Variants in TASP1 observed in about 807,000 individuals in gnomAD.
The protein encoded by TASP1 is threonine aspartase 1.
TASP1 carries 16 observed loss-of-function variants against 56.6 expected under a neutral mutation model. That is an observed-to-expected ratio of 0.28 (90% CI 0.19 to 0.43). The LOEUF (loss-of-function observed/expected upper bound fraction) is 0.43. Ranked by LOEUF, TASP1 falls within the 20% of genes least tolerant of loss-of-function variation. TASP1 has a pLI of 1.00. For synonymous variants in TASP1, 179 were observed against 184.2 expected (o/e 0.97, Z 0.23); for missense variants, 393 against 511.6 (o/e 0.77, Z 2.24).
At chr20:13,502,803 C>G (rs1477132535) in intron 10 of TASP1, among the ~76,000 whole-genome samples, 1 of 152,170 alleles carries the variant, frequency 6.6e-6, no homozygotes. Flanking sequence ...GAAAATACAT[C>G]TGTGGGAGTC....
At chr20:13,105,578 C>T in the TASP1 span, among the ~76,000 whole-genome samples, 2 of 152,110 alleles carry the variant, frequency 1.3e-5, no homozygotes, top group Non-Finnish European at 2.9e-5. Context: ...GTTTATGTGA[C>T]CTTTTTGGTG....
chr20:13,600,902 G>A lies in TASP1; in HGVS notation c.283-13532C>T, dbSNP rs144107317. On this transcript the variant is annotated intron_variant, in intron 4 of 13. Transcript: ENST00000337743. ...GAGCACATCTAGGAACCAAGCTTTG[G>A]ATTCAAATACTATTCTCCAATAAGG... 1.2e-3 allele frequency among the ~76,000 whole-genome samples: 187 copies of A among 152,214 alleles called. 2 individuals are homozygous for A. The East Asian group carries it at 0.022, about 18-fold the overall frequency.
chr20:13,475,694 A>AG (rs772169976), intron 11 of TASP1, among the ~76,000 whole-genome samples: 12 of 152,120 alleles, frequency 7.9e-5, no homozygotes, highest in Admixed American at 1.3e-4. Flanking sequence ...CAGGAGTTTG[A>AG]GACCAGCCTG....
intron 7 of TASP1, among the ~76,000 whole-genome samples, chr20:13,567,289 G>T (rs936344300): frequency 6.6e-6 from 1 of 151,860 alleles, no homozygotes; most frequent in East Asian, 1.9e-4. Flanking sequence ...GTGGGAGGGG[G>T]GAAAAGGATC....
intron 13 of TASP1, among the ~76,000 whole-genome samples, chr20:13,407,893 A>G (rs994004828): frequency 6.6e-6 from 1 of 151,968 alleles, no homozygotes; most frequent in Non-Finnish European, 1.5e-5. Flanking sequence ...AAAAATGTCT[A>G]CTCAGATCTC....
the TASP1 span, among the ~76,000 whole-genome samples, chr20:13,317,255 A>G: frequency 6.6e-6 from 1 of 151,866 alleles, no homozygotes; most frequent in Admixed American, 6.6e-5. Flanking sequence ...CCAAAAAAAC[A>G]AAACAAAACA....
At chr20:13,485,095 G>A (rs1037803468) in intron 10 of TASP1, among the ~76,000 whole-genome samples, 2 of 152,022 alleles carry the variant, frequency 1.3e-5, no homozygotes, top group South Asian at 2.1e-4. Context: ...AAAACTGCAC[G>A]TTCTGCACAT....
At chr20:13,380,519 C>T in the TASP1 span, among the ~76,000 whole-genome samples, 1 of 152,138 alleles carries the variant, frequency 6.6e-6, no homozygotes, top group African/African-American at 2.4e-5. Context: ...TCAACCCCTG[C>T]TTGGTGGTGT....
At chr20:13,492,926 A>G (rs2043588409) in intron 10 of TASP1, among the ~76,000 whole-genome samples, 1 of 152,070 alleles carries the variant, frequency 6.6e-6, no homozygotes, top group South Asian at 2.1e-4. Flanking sequence ...TTATGATTAA[A>G]CACAGATATC....
At chr20:13,365,547 A>G in the TASP1 span, among the ~76,000 whole-genome samples, 1 of 152,234 alleles carries the variant, frequency 6.6e-6, no homozygotes, top group African/African-American at 2.4e-5. Context: ...GATTGAAAGA[A>G]AAGGAGAGCA....
chr20:13,268,346 TC>T, the TASP1 span, among the ~76,000 whole-genome samples: 1 of 53,852 alleles, frequency 1.9e-5, no homozygotes. Context: ...TCCTTCTTCT[TC>T]CTCTCTCTCT....
At chr20:13,163,900 T>C in the TASP1 span, among the ~76,000 whole-genome samples, 1 of 152,208 alleles carries the variant, frequency 6.6e-6, no homozygotes, top group Non-Finnish European at 1.5e-5. Flanking sequence ...AAATGACCTT[T>C]TTTTTATTTT....
intron 1 of TASP1, among the ~76,000 whole-genome samples, chr20:13,633,447 T>C (rs1341167239): frequency 6.6e-6 from 1 of 152,184 alleles, no homozygotes; most frequent in African/African-American, 2.4e-5. Context: ...ATTAATTTAT[T>C]CATTTACGGG....
At chr20:13,191,118 G>A in the TASP1 span, among the ~76,000 whole-genome samples, 8 of 152,012 alleles carry the variant, frequency 5.3e-5, no homozygotes, top group African/African-American at 1.4e-4. Flanking sequence ...GGAGAAAGGC[G>A]AACTCTTATA....
At chr20:13,297,477 T>C in the TASP1 span, among the ~76,000 whole-genome samples, 1 of 152,236 alleles carries the variant, frequency 6.6e-6, no homozygotes, top group Non-Finnish European at 1.5e-5. Context: ...CTGGAATCTT[T>C]TTGTCTCAGG....
chr20:13,299,543 C>T, the TASP1 span: 5 of 1,249,742 alleles, frequency 4.0e-6, no homozygotes, highest in African/African-American at 1.5e-5. This position sits in a 1 kb window ranked among gnomAD's most constrained non-coding sequence, Gnocchi z 5.8. Flanking sequence ...GCGCCGAGAC[C>T]TTCATAGCTG....
chr20:13,473,387 A>C (rs1407588601), intron 11 of TASP1, among the ~76,000 whole-genome samples: 1 of 152,070 alleles, frequency 6.6e-6, no homozygotes, highest in African/African-American at 2.4e-5. Context: ...ACCTCATGTA[A>C]ATGACGAGTT....
chr20:13,332,410 ATAATTT>A, the TASP1 span, among the ~76,000 whole-genome samples: 6 of 152,332 alleles, frequency 3.9e-5, no homozygotes, highest in East Asian at 1.9e-4. Flanking sequence ...AACTTAAATT[ATAATTT>A]TAAGTTCTTA....
intron 11 of TASP1, among the ~76,000 whole-genome samples, chr20:13,472,638 G>GA (rs560079482): frequency 0.011 from 1,637 of 151,014 alleles, 98 homozygotes; most frequent in African/African-American, 0.037. Context: ...AAATTTACAA[G>GA]AAAAAATCAA....
Sources: gnomAD v4.1 joint callset for allele counts (sites outside exome capture counted in the v4.1 genomes callset) on GRCh38, gnomAD v4.1.1 for gene constraint, Gnocchi (gnomAD v3.1) non-coding constraint, MANE v1.5 for transcripts, NCBI Gene and HGNC (gene_info 2026-07-23, HGNC 2026-07-21) for gene names.